Variants in MEIS1 observed in about 807,000 individuals in gnomAD.
MEIS1 encodes the protein homeobox protein Meis1.
MEIS1 carries 5 observed loss-of-function variants against 50.8 expected under a neutral mutation model. The ratio of observed to expected loss-of-function variants is 0.10; its 90% confidence interval spans 0.05 to 0.21. MEIS1 has a LOEUF of 0.21. Among genes scored for constraint, MEIS1 ranks in the 10% least tolerant of loss-of-function variants. MEIS1 has a pLI of 1.00. For synonymous variants in MEIS1, 176 were observed against 179.3 expected (o/e 0.98, Z 0.15); for missense variants, 318 against 517.3 (o/e 0.61, Z 3.74).
chr2:66,569,297 G>T lies in MEIS1; in HGVS notation c.*37+152G>T, dbSNP rs191131270. The T allele has an allele frequency of 3.6e-4, 225 of 633,304 alleles. 1 individual carries two copies. The highest frequency in any genetic ancestry group is 7.6e-4 in the Middle Eastern group (2 of 2,632). 39.2% of individuals were successfully genotyped at this position (633,304 alleles called of 1,614,324 possible). Reference sequence around the variant, plus strand: ...TGCTTCCATCATTTTCTTTTTGGTTGTGATCAAGCTTTTAAGCTTATAAAT... The same window carrying T: ...TGCTTCCATCATTTTCTTTTTGGTTTTGATCAAGCTTTTAAGCTTATAAAT... On this transcript the variant is annotated intron_variant, in intron 12 of 12. Coordinates refer to ENST00000272369, the MANE Select transcript of MEIS1 (RefSeq NM_002398.3).
chr2:66,436,499 A>C (rs949421134), intron 1 of MEIS1, among the ~76,000 whole-genome samples: 1 of 152,224 alleles, frequency 6.6e-6, no homozygotes, highest in Non-Finnish European at 1.5e-5. Flanking sequence ...TTTTCAATGG[A>C]AATGCAGTGA....
At chr2:66,562,857 A>G (rs1420825870) in intron 9 of MEIS1, among the ~76,000 whole-genome samples, 1 of 152,212 alleles carries the variant, frequency 6.6e-6, no homozygotes, top group Admixed American at 6.6e-5. Context: ...AATTCTTAAA[A>G]AGTACTTCAC....
intron 7 of MEIS1, among the ~76,000 whole-genome samples, chr2:66,487,145 G>A (rs1054165535): frequency 6.6e-6 from 1 of 152,178 alleles, no homozygotes; most frequent in Admixed American, 6.5e-5. Flanking sequence ...AATAGGAGTG[G>A]TGAGAGAGGG....
intron 7 of MEIS1, among the ~76,000 whole-genome samples, chr2:66,505,229 CAT>C (rs1379414882): frequency 6.6e-6 from 1 of 152,006 alleles, no homozygotes; most frequent in Non-Finnish European, 1.5e-5. Flanking sequence ...GCCTGGGAAA[CAT>C]AGTGAGACCC....
intron 7 of MEIS1, among the ~76,000 whole-genome samples, chr2:66,464,651 G>T (rs1006719758): frequency 6.6e-6 from 1 of 152,176 alleles, no homozygotes; most frequent in African/African-American, 2.4e-5. Flanking sequence ...AGTAGCACAT[G>T]CTCGGCTTCC....
chr2:66,564,954 C>T (rs928693159), intron 9 of MEIS1, among the ~76,000 whole-genome samples: 7 of 151,784 alleles, frequency 4.6e-5, no homozygotes, highest in Non-Finnish European at 1.0e-4. Context: ...TATTTTTGAT[C>T]TAGTAAGGCA....
At chr2:66,522,040 C>T (rs1470144230) in intron 8 of MEIS1, among the ~76,000 whole-genome samples, 1 of 152,174 alleles carries the variant, frequency 6.6e-6, no homozygotes, top group Non-Finnish European at 1.5e-5. Flanking sequence ...TTGTGTGTTT[C>T]AGAAACATGC....
chr2:66,522,308 C>T (rs377303270), intron 8 of MEIS1, among the ~76,000 whole-genome samples: 5 of 152,286 alleles, frequency 3.3e-5, no homozygotes, highest in East Asian at 1.9e-4. Flanking sequence ...AATATCAAAT[C>T]TGTTACTACG....
At chr2:66,500,179 T>C (rs571140730) in intron 7 of MEIS1, among the ~76,000 whole-genome samples, 91 of 152,298 alleles carry the variant, frequency 6.0e-4, no homozygotes, top group Non-Finnish European at 8.1e-4. Flanking sequence ...GTATACGAGC[T>C]TTACCACATA....
chr2:66,440,152 A>C, intron 3 of MEIS1, 168 bp downstream of exon 3: 2 of 671,624 alleles, frequency 3.0e-6, no homozygotes, highest in Non-Finnish European at 4.9e-6. Context: ...GTTACCTCCA[A>C]CCTCAGATTT....
rs70943697 is a variant in MEIS1, at chr2:66,435,743, CTT to C, written c.-91_-90del. The C allele has an allele frequency of 0.32, 104,413 of 329,878 alleles. 5,125 individuals are homozygous for C. The highest frequency in any genetic ancestry group is 0.38 in the African/African-American group (7,237 of 19,262). 20.4% of individuals were successfully genotyped at this position (329,878 alleles called of 1,614,324 possible). A position where few individuals can be genotyped will look rare whatever the true frequency, so the allele number is the denominator to read the frequency against. The stretch of plus-strand genomic sequence containing the variant: ...AGACGTTAAGGGATTTTTCGTCGTG[CTT>C]TTTTTTTTTTTTTTTTTTTTTTCCG... On this transcript the variant is annotated 5_prime_UTR_variant, in exon 1 of 13. Transcript: ENST00000272369.
At chr2:66,561,211 T>TAAA (rs977066371) in intron 9 of MEIS1, among the ~76,000 whole-genome samples, 1 of 152,152 alleles carries the variant, frequency 6.6e-6, no homozygotes, top group African/African-American at 2.4e-5. Context: ...GGTTTGTTTA[T>TAAA]AAAACATGCC....
chr2:66,550,746 C>T (rs777580814), intron 9 of MEIS1, among the ~76,000 whole-genome samples: 6 of 152,138 alleles, frequency 3.9e-5, no homozygotes, highest in Non-Finnish European at 7.4e-5. Flanking sequence ...GATCCACCCA[C>T]TTCAGCCTCC....
intron 6 of MEIS1, among the ~76,000 whole-genome samples, chr2:66,459,660 A>G (rs1446932981): frequency 2.6e-5 from 4 of 152,110 alleles, no homozygotes; most frequent in Non-Finnish European, 4.4e-5. Flanking sequence ...AAAATAGACA[A>G]GATTTGGTGA....
At chr2:66,558,502 T>C (rs551836358) in intron 9 of MEIS1, among the ~76,000 whole-genome samples, 42 of 152,224 alleles carry the variant, frequency 2.8e-4, no homozygotes, top group African/African-American at 1.0e-3. Context: ...TTTCCATTTG[T>C]ATTTTAAAGG....
intron 6 of MEIS1, among the ~76,000 whole-genome samples, chr2:66,446,144 C>G (rs1456658053): frequency 2.0e-5 from 3 of 152,074 alleles, no homozygotes; most frequent in Non-Finnish European, 4.4e-5. Flanking sequence ...TGCTAGGCGT[C>G]GAGGCGAGGG....
chr2:66,529,593 C>T (rs1239557933), intron 8 of MEIS1, among the ~76,000 whole-genome samples: 2 of 152,142 alleles, frequency 1.3e-5, no homozygotes, highest in Non-Finnish European at 2.9e-5. Context: ...CATGCCACCA[C>T]ACTGGCTAAC....
At chr2:66,483,092 T>A (rs1375753095) in intron 7 of MEIS1, among the ~76,000 whole-genome samples, 1 of 152,224 alleles carries the variant, frequency 6.6e-6, no homozygotes, top group Non-Finnish European at 1.5e-5. Context: ...CTGGCAATGG[T>A]AAGCATTATG....
intron 6 of MEIS1, among the ~76,000 whole-genome samples, chr2:66,456,449 G>A (rs185155118): frequency 6.6e-6 from 1 of 152,160 alleles, no homozygotes; most frequent in Admixed American, 6.5e-5. Context: ...GTTCACAATG[G>A]CAAATATGAC....
Sources: allele counts gnomAD v4.1 joint callset (sites outside exome capture counted in the v4.1 genomes callset), GRCh38; gene constraint gnomAD v4.1.1; transcripts MANE v1.5; gene names NCBI Gene and HGNC (gene_info 2026-07-23, HGNC 2026-07-21).